The following PAAF1 variants were observed in gnomAD, a reference collection of about 807,000 sequenced individuals.
PAAF1 encodes the protein proteasomal ATPase-associated factor 1.
In PAAF1, 46 loss-of-function variants were observed where a neutral mutation model predicts 52.8. The ratio of observed to expected loss-of-function variants is 0.87; its 90% CI spans 0.69 to 1.11. The LOEUF is 1.11. Among genes scored for constraint, PAAF1 ranks in the 50% most tolerant of loss-of-function variants. The pLI, the probability that PAAF1 is intolerant of heterozygous loss-of-function variation, is 0.00. For missense variants in PAAF1, 424 were observed against 477.4 expected (o/e 0.89, Z 1.04); for synonymous variants, 178 against 172.8 (o/e 1.03, Z -0.24).
chr11:73,923,608 T>A (rs937935568), intron 10 of PAAF1, among the ~76,000 whole-genome samples: 3 of 152,178 alleles, frequency 2.0e-5, no homozygotes, highest in Non-Finnish European at 2.9e-5. Context: ...CCATCTTGGC[T>A]CACTGCAACC....
chr11:73,909,249 G>T (rs1055020387), intron 6 of PAAF1, 150 bp from the exon 7 acceptor site: 3 of 625,792 alleles, frequency 4.8e-6, no homozygotes, highest in Middle Eastern at 4.3e-4. Flanking sequence ...CTCTATTTCT[G>T]TTTTTCTAGC....
At chr11:73,902,593 T>C (rs1949651994) in intron 6 of PAAF1, among the ~76,000 whole-genome samples, 1 of 152,272 alleles carries the variant, frequency 6.6e-6, no homozygotes, top group African/African-American at 2.4e-5. Flanking sequence ...ACTGCAATTA[T>C]TGTTCCCTTT....
At chr11:73,892,651 CT>C (rs1949230605) in intron 4 of PAAF1, among the ~76,000 whole-genome samples, 1 of 151,816 alleles carries the variant, frequency 6.6e-6, no homozygotes, top group South Asian at 2.1e-4. Context: ...TTATAACTTG[CT>C]TTTTGTTTTG....
rs184094126 is a variant in PAAF1, at chr11:73,921,767, G to A, written c.1018+2735G>A. 183 of 1,190,298 alleles carry A rather than the reference G, an allele frequency of 1.5e-4. No homozygotes were observed. In the East Asian group the frequency reaches 4.7e-3, roughly 30 times the overall value. 73.7% of individuals were successfully genotyped at this position (1,190,298 alleles called of 1,614,324 possible). A position where few individuals can be genotyped will look rare whatever the true frequency, so the allele number is the denominator to read the frequency against. Reference sequence around the variant, plus strand: ...TCGAAAACTTTCTCACAAAGTCTCAGCCCAGTCTCTTGCCTTAGATGTTGT... The same window carrying A: ...TCGAAAACTTTCTCACAAAGTCTCAACCCAGTCTCTTGCCTTAGATGTTGT... On this transcript the variant is annotated intron_variant, in intron 10 of 11. Coordinates refer to ENST00000310571, the MANE Select transcript of PAAF1 (RefSeq NM_025155.3).
chr11:73,902,027 C>A (rs1380721415), intron 6 of PAAF1, among the ~76,000 whole-genome samples: 2 of 151,854 alleles, frequency 1.3e-5, no homozygotes, highest in Admixed American at 1.3e-4. Flanking sequence ...CCACATCCAA[C>A]TAATTTTTGT....
At chr11:73,914,383 T>C in intron 7 of PAAF1, 30 bp from the exon 8 acceptor site, 2 of 1,603,322 alleles carry the variant, frequency 1.2e-6, no homozygotes, top group South Asian at 1.1e-5. Flanking sequence ...TCAGCCTCAC[T>C]GTTATTAACA....
At chr11:73,913,180 C>T (rs572556797) in intron 7 of PAAF1, among the ~76,000 whole-genome samples, 3 of 152,286 alleles carry the variant, frequency 2.0e-5, no homozygotes, top group African/African-American at 7.2e-5. Flanking sequence ...CCTGGCCTGA[C>T]TTTGCCTTCT....
intron 3 of PAAF1, among the ~76,000 whole-genome samples, chr11:73,888,441 A>G (rs1949118387): frequency 6.6e-6 from 1 of 152,228 alleles, no homozygotes; most frequent in African/African-American, 2.4e-5. Context: ...GTAGATGGGT[A>G]AGCAAAGCGT....
intron 4 of PAAF1, among the ~76,000 whole-genome samples, chr11:73,897,194 C>A (rs1363102100): frequency 7.3e-6 from 1 of 136,278 alleles, no homozygotes; most frequent in Non-Finnish European, 1.6e-5. Flanking sequence ...CTGACCCCCC[C>A]ACCTCCCTCC....
upstream of PAAF1, chr11:73,876,970 A>T (rs548045017): frequency 1.3e-5 from 20 of 1,486,360 alleles, no homozygotes; most frequent in East Asian, 4.4e-4. Context: ...CTTCTCGGGG[A>T]CTCACTTCCG....
At chr11:73,919,272 A>G (rs976503484) in intron 10 of PAAF1, among the ~76,000 whole-genome samples, 1 of 152,182 alleles carries the variant, frequency 6.6e-6, no homozygotes, top group Non-Finnish European at 1.5e-5. Flanking sequence ...ATTTAGCTCA[A>G]TGCCCACCAC....
rs536556504 is a variant in PAAF1, at chr11:73,922,512, G to T, written c.1019-2103G>T. On this transcript the variant is annotated intron_variant, in intron 10 of 11. Transcript: ENST00000310571. ...TGCCATGTGCTGTAGAGGGAGTTCT[G>T]TACTGGTTTAGAAGTTGGATATAGG... Among the ~76,000 whole-genome samples, 5 of 152,202 alleles carry T rather than the reference G, an allele frequency of 3.3e-5. No homozygotes were observed. In the East Asian group the frequency reaches 9.6e-4, roughly 29 times the overall value.
chr11:73,889,851 C>G (rs546768422), intron 3 of PAAF1, among the ~76,000 whole-genome samples: 7 of 152,288 alleles, frequency 4.6e-5, no homozygotes, highest in African/African-American at 1.7e-4. Context: ...TAGTGAAAGG[C>G]CTGCAGGCAG....
At chr11:73,889,037 C>A in intron 3 of PAAF1, 2 of 600,330 alleles carry the variant, frequency 3.3e-6, no homozygotes, top group South Asian at 4.6e-5. Context: ...CTCAAATAAT[C>A]AAAGACAGAC....
intron 4 of PAAF1, among the ~76,000 whole-genome samples, chr11:73,896,410 A>C (rs1009460021): frequency 6.6e-5 from 10 of 151,236 alleles, no homozygotes; most frequent in African/African-American, 2.2e-4. Context: ...CAAGTGAACA[A>C]AGGTCTCTGG....
At chr11:73,886,511 T>A (rs1949059968) in intron 2 of PAAF1, among the ~76,000 whole-genome samples, 1 of 151,620 alleles carries the variant, frequency 6.6e-6, no homozygotes, top group African/African-American at 2.4e-5. Flanking sequence ...CCATCTCTAC[T>A]AAAAATACAA....
At chr11:73,904,412 T>C (rs1949703435) in intron 6 of PAAF1, among the ~76,000 whole-genome samples, 1 of 152,206 alleles carries the variant, frequency 6.6e-6, no homozygotes, top group African/African-American at 2.4e-5. Context: ...TCTTTCATAA[T>C]CAGTGAAACA....
intron 4 of PAAF1, 132 bp from the exon 5 acceptor site, chr11:73,899,014 A>G (rs1949515528): frequency 1.6e-6 from 1 of 643,656 alleles, no homozygotes; most frequent in Admixed American, 2.9e-5. Flanking sequence ...CATCAAACAC[A>G]AGTCCTTTTG....
Position 73,886,132 on chromosome 11 carries a change from G to T in PAAF1, c.89-1222G>T, listed in dbSNP as rs976881807. On this transcript the variant is annotated intron_variant, in intron 2 of 11. Transcript: ENST00000310571. ...TATGTGTAGGATAGTATCTTACTTA[G>T]CCCATATCTCTGCAAAATCAGTATT... Among the ~76,000 whole-genome samples the T allele has an allele frequency of 2.6e-5, 4 of 152,206 alleles. No homozygotes were observed. In the East Asian group the frequency reaches 5.8e-4, roughly 22 times the overall value.
Sources: allele counts gnomAD v4.1 joint callset (sites outside exome capture counted in the v4.1 genomes callset), GRCh38; gene constraint gnomAD v4.1.1; transcripts MANE v1.5; gene names NCBI Gene and HGNC (gene_info 2026-07-23, HGNC 2026-07-21).